The following TENM4 variants were observed in gnomAD, a reference collection of about 807,000 sequenced individuals.
TENM4 encodes teneurin-4.
TENM4 carries 82 observed loss-of-function variants against 243.3 expected under a neutral mutation model. That is an observed-to-expected ratio of 0.34 (90% CI 0.28 to 0.40). The LOEUF is 0.40. TENM4 is among the 10% of genes least tolerant of loss of function. The pLI is 1.00. For missense variants in TENM4, 3,138 were observed against 3,673.3 expected (o/e 0.85, Z 3.77); for synonymous variants, 1,412 against 1,456.3 (o/e 0.97, Z 0.69).
intron 2 of TENM4, among the ~76,000 whole-genome samples, chr11:79,269,910 C>A (rs1185859142): frequency 8.9e-4 from 136 of 152,264 alleles, no homozygotes; most frequent in African/African-American, 2.4e-5. Context: ...GCAGGATTAA[C>A]TACTTCTGGG....
intron 7 of TENM4, among the ~76,000 whole-genome samples, chr11:78,903,019 G>A (rs375953043): frequency 1.3e-5 from 2 of 152,178 alleles, no homozygotes; most frequent in South Asian, 4.1e-4. Flanking sequence ...GGTTGGTGCG[G>A]GGGGTGTCTA....
rs1474531799 is a variant in TENM4 at position 78,787,011 on chromosome 11, A to G, written c.2252T>C (p.Met751Thr). The change falls in exon 16 of 34, where the codon ATG (methionine) becomes ACG (threonine). Residue 751 changes from methionine to threonine, a missense_variant. Around this residue, in one of 2 missense-constraint regions of TENM4, gnomAD observed 2,467 missense variants for 3,059.1 expected, o/e 0.81. Transcript: ENST00000278550. The part of the protein sequence containing the change: ...GGTCRCEDGW[M>T]GAACDQRACH... ...GGCCCGCTGGTCGCAGGCTGCCCCC[A>G]TCCAGCCATCCTCGCAGCGGCAGGT... is the stretch of plus-strand genomic sequence containing the variant. The G allele has an allele frequency of 1.3e-6, 2 of 1,567,958 alleles. No homozygotes were observed. Among genetic ancestry groups the G allele is most frequent in the Non-Finnish European group, 1.7e-6 (2 of 1,156,538 alleles).
intron 28 of TENM4, among the ~76,000 whole-genome samples, chr11:78,699,356 G>T (rs1175244165): frequency 6.6e-6 from 1 of 152,208 alleles, no homozygotes; most frequent in East Asian, 1.9e-4. Flanking sequence ...TTCTGGTTCT[G>T]CTACATACTC....
chr11:79,094,513 T>A (rs927269811), intron 4 of TENM4, among the ~76,000 whole-genome samples: 2 of 152,080 alleles, frequency 1.3e-5, no homozygotes, highest in African/African-American at 4.8e-5. Context: ...AGGTGTTTCC[T>A]CCCCTCACTC....
chr11:79,433,692 AG>A lies in TENM4; in HGVS notation c.-321+6816del, dbSNP rs775821511. Among the ~76,000 whole-genome samples the A allele has an allele frequency of 3.3e-5, 5 of 152,352 alleles. No homozygotes were observed. The South Asian group carries it at 6.2e-4, about 19-fold the overall frequency. On this transcript the variant is annotated intron_variant, in intron 1 of 33. Coordinates refer to ENST00000278550, the MANE Select transcript of TENM4 (RefSeq NM_001098816.3). ...AAGCCAGTGCAGAACACACAGGGAAAGGGAACCGGGGTGCTGACCACTGCTC... is the reference window on the plus strand; with the variant it reads ...AAGCCAGTGCAGAACACACAGGGAAAGGAACCGGGGTGCTGACCACTGCTC...
At chr11:79,291,858 G>A (rs530990374) in intron 2 of TENM4, among the ~76,000 whole-genome samples, 8 of 152,170 alleles carry the variant, frequency 5.3e-5, no homozygotes, top group Non-Finnish European at 1.2e-4. Flanking sequence ...ACTTGTTCCT[G>A]TTCTAGCTTT....
At chr11:79,178,839 G>A (rs1863225375) in intron 3 of TENM4, among the ~76,000 whole-genome samples, 1 of 152,158 alleles carries the variant, frequency 6.6e-6, no homozygotes, top group African/African-American at 2.4e-5. Context: ...CCCCCATGAA[G>A]CCACCAAACT....
At chr11:79,112,324 T>C (rs1011373487) in intron 4 of TENM4, among the ~76,000 whole-genome samples, 2 of 152,222 alleles carry the variant, frequency 1.3e-5, no homozygotes, top group African/African-American at 4.8e-5. Context: ...TGGTGGAGCA[T>C]ATGGCATGGT....
chr11:79,313,937 GC>G (rs1490399252), intron 1 of TENM4, among the ~76,000 whole-genome samples: 1 of 152,100 alleles, frequency 6.6e-6, no homozygotes. Context: ...CTCCCCGGTG[GC>G]CAATCCTTTC....
intron 1 of TENM4, among the ~76,000 whole-genome samples, chr11:79,357,760 A>G (rs1857522143): frequency 1.3e-5 from 2 of 152,246 alleles, no homozygotes; most frequent in Admixed American, 1.3e-4. Flanking sequence ...GGGGGAGACA[A>G]ATATAATTGA....
chr11:78,893,800 C>CAA (rs61101897), intron 7 of TENM4, among the ~76,000 whole-genome samples: 1 of 149,840 alleles, frequency 6.7e-6, no homozygotes, highest in Non-Finnish European at 1.5e-5. Flanking sequence ...CACACACACA[C>CAA]TCCTCTCTTT....
intron 6 of TENM4, among the ~76,000 whole-genome samples, chr11:78,960,291 G>T (rs1424637950): frequency 6.6e-6 from 1 of 151,894 alleles, no homozygotes; most frequent in Non-Finnish European, 1.5e-5. Flanking sequence ...TTTGGGTCTT[G>T]GTCATGGAGA....
chr11:78,767,948 G>A (rs987712286), intron 18 of TENM4, among the ~76,000 whole-genome samples: 2 of 152,218 alleles, frequency 1.3e-5, no homozygotes, highest in Non-Finnish European at 2.9e-5. Flanking sequence ...ATGGTGCCTT[G>A]TAGATAGCAT....
Position 79,337,979 on chromosome 11 carries a change from T to C in TENM4, c.-320-40436A>G, listed in dbSNP as rs536453936. 8.5e-4 allele frequency among the ~76,000 whole-genome samples: 130 copies of C among 152,308 alleles called. 7 individuals carry two copies. In the South Asian group the frequency reaches 0.014, roughly 16 times the overall value. ...CACTGCTTTTGAGACTGTGAGAAGT[T>C]GTATGACTATCCACCAAGTCTCAGA... is the stretch of plus-strand genomic sequence containing the variant. On this transcript the variant is annotated intron_variant, in intron 1 of 33. Coordinates refer to ENST00000278550, the MANE Select transcript of TENM4 (RefSeq NM_001098816.3).
At chr11:79,055,127 C>CAAA (rs34101530) in intron 6 of TENM4, among the ~76,000 whole-genome samples, 2 of 134,634 alleles carry the variant, frequency 1.5e-5, no homozygotes, top group Non-Finnish European at 3.1e-5. Flanking sequence ...AACTCCATCT[C>CAAA]AAAAAAAAAA....
rs953456 is a variant in TENM4 at position 79,412,283 on chromosome 11, G to C, written c.-321+28226C>G. On this transcript the variant is annotated intron_variant, in intron 1 of 33. Coordinates refer to ENST00000278550, the MANE Select transcript of TENM4 (RefSeq NM_001098816.3). ...CTGTGAGATGTCAGGCCCCAGGAATGGCAAAGATGGCCAGCTCCCTCATGA... is the reference window on the plus strand; with the variant it reads ...CTGTGAGATGTCAGGCCCCAGGAATCGCAAAGATGGCCAGCTCCCTCATGA... Among the ~76,000 whole-genome samples the C allele has an allele frequency of 3.8e-3, 574 of 152,364 alleles. 9 individuals are homozygous for C. The highest frequency in any genetic ancestry group is 0.031 in the Admixed American group (474 of 15,308).
In TENM4 at chr11:78,831,293, C is replaced by T. The variant is rs549930078; in HGVS notation, c.1682-16898G>A. On this transcript the variant is annotated intron_variant, in intron 12 of 33. Transcript: ENST00000278550. ...TGCATGTCTGCCTGCTGTACTGTAA[C>T]ACGAGCTTGGAGGACCAAGGTGGGA... is the stretch of plus-strand genomic sequence containing the variant. 5.3e-5 allele frequency among the ~76,000 whole-genome samples: 8 copies of T among 152,356 alleles called. No individual in the cohort carries two copies. The East Asian group carries it at 1.2e-3, about 22-fold the overall frequency.
intron 6 of TENM4, among the ~76,000 whole-genome samples, chr11:79,007,178 G>T (rs1210239865): frequency 6.6e-6 from 1 of 152,110 alleles, no homozygotes; most frequent in African/African-American, 2.4e-5. Flanking sequence ...ACATCCTGTT[G>T]GTAGTATTTC....
rs146926970 is a variant in TENM4, at chr11:79,158,997, A to G, written c.-162-10191T>C. ...AAAGCCCCTGTTCTTCGCAGCCAAT[A>G]TCCACTTTCCTTATAGAGAGGTTGA... On this transcript the variant is annotated intron_variant, in intron 3 of 33. Coordinates refer to ENST00000278550, the MANE Select transcript of TENM4 (RefSeq NM_001098816.3). 2.1e-3 allele frequency among the ~76,000 whole-genome samples: 319 copies of G among 152,284 alleles called. 2 individuals are homozygous for G. Among genetic ancestry groups the G allele is most frequent in the African/African-American group, 7.3e-3 (304 of 41,556 alleles).
Sources: allele counts gnomAD v4.1 joint callset (sites outside exome capture counted in the v4.1 genomes callset), GRCh38; gene constraint gnomAD v4.1.1; regional missense constraint gnomAD v4.1.1; transcripts MANE v1.5; gene names NCBI Gene and HGNC (gene_info 2026-07-23, HGNC 2026-07-21).